The following GRID1 variants were observed in gnomAD, a reference collection of about 807,000 sequenced individuals.
GRID1 encodes glutamate receptor ionotropic, delta-1.
GRID1 carries 28 observed loss-of-function variants against 98.0 expected under a neutral mutation model. The observed-to-expected ratio is 0.29, with a 90% CI of 0.21 to 0.39. The LOEUF (loss-of-function observed/expected upper bound fraction) is 0.39. Among genes scored for constraint, GRID1 ranks in the 10% least tolerant of loss-of-function variants. The probability of loss-of-function intolerance (pLI) is 1.00; values close to 1 mark genes in which losing one functional copy is unlikely to be tolerated. For synonymous variants in GRID1, 553 were observed against 538.5 expected (o/e 1.03, Z -0.37); for missense variants, 1,111 against 1,340.5 (o/e 0.83, Z 2.67).
chr10:86,354,278 C>A lies in GRID1; in HGVS notation c.235+9663G>T, dbSNP rs1467920798. ...CAGGCAGCAAGGCCGGTGTCTCAGCCCGGACCTGGGGGTTGCTAGCACCCA... is the reference window on the plus strand; with the variant it reads ...CAGGCAGCAAGGCCGGTGTCTCAGCACGGACCTGGGGGTTGCTAGCACCCA... On this transcript the variant is annotated intron_variant, in intron 2 of 15. Transcript: ENST00000327946. Among the ~76,000 whole-genome samples, 3 of 152,250 alleles carry A rather than the reference C, an allele frequency of 2.0e-5. No individual in the cohort carries two copies. The East Asian group carries it at 5.8e-4, about 29-fold the overall frequency.
chr10:86,273,094 G>T (rs1004585665), intron 2 of GRID1, among the ~76,000 whole-genome samples: 9 of 151,076 alleles, frequency 6.0e-5, no homozygotes, highest in Non-Finnish European at 1.3e-4. Context: ...CCCAGAGTGT[G>T]ATGTTCCCCT....
chr10:86,028,441 C>T (rs1843143756), intron 4 of GRID1, among the ~76,000 whole-genome samples: 1 of 152,184 alleles, frequency 6.6e-6, no homozygotes, highest in Non-Finnish European at 1.5e-5. Flanking sequence ...TGAGTCAGTC[C>T]ACCGAAGTGA....
intron 3 of GRID1, among the ~76,000 whole-genome samples, chr10:86,155,419 TCA>T (rs1232594637): frequency 6.6e-6 from 1 of 152,254 alleles, no homozygotes; most frequent in Non-Finnish European, 1.5e-5. Flanking sequence ...AAGGGCAGAT[TCA>T]GATTCTGAGT....
chr10:86,021,941 C>T (rs1452311055), intron 4 of GRID1, among the ~76,000 whole-genome samples: 1 of 152,022 alleles, frequency 6.6e-6, no homozygotes, highest in Admixed American at 6.6e-5. Context: ...CTAGAGCAGC[C>T]GCATCTAAAA....
chr10:85,647,993 C>G (rs891535073), intron 12 of GRID1: 1 of 152,196 alleles, frequency 6.6e-6, no homozygotes, highest in Admixed American at 6.5e-5. Context: ...GTATTGACTT[C>G]GAATGCTCCC....
At chr10:85,966,416 G>T (rs1232839976) in intron 4 of GRID1, among the ~76,000 whole-genome samples, 1 of 152,118 alleles carries the variant, frequency 6.6e-6, no homozygotes, top group African/African-American at 2.4e-5. Flanking sequence ...AGAAAGTAAA[G>T]AATACAGAGA....
chr10:86,129,350 C>A (rs1844801346), intron 4 of GRID1, among the ~76,000 whole-genome samples: 2 of 152,192 alleles, frequency 1.3e-5, no homozygotes, highest in Admixed American at 6.5e-5. Context: ...TCAATGGCAA[C>A]AAGCCTCCTC....
At chr10:86,073,408 C>A (rs931703992) in intron 4 of GRID1, among the ~76,000 whole-genome samples, 2 of 152,318 alleles carry the variant, frequency 1.3e-5, no homozygotes, top group African/African-American at 4.8e-5. Flanking sequence ...GAGTAGCCAT[C>A]GCACAGAAGC....
At chr10:85,883,955 T>A (rs1023077450) in intron 5 of GRID1, among the ~76,000 whole-genome samples, 8 of 152,196 alleles carry the variant, frequency 5.3e-5, no homozygotes, top group African/African-American at 1.9e-4. Flanking sequence ...TATGTAGAAA[T>A]CTCTCATCAG....
intron 4 of GRID1, among the ~76,000 whole-genome samples, chr10:86,136,931 C>T (rs1165695908): frequency 6.6e-6 from 1 of 152,144 alleles, no homozygotes; most frequent in Non-Finnish European, 1.5e-5. Flanking sequence ...AACAAATCTG[C>T]ACATGTACCC....
chr10:85,709,611 C>A (rs1016142008), intron 12 of GRID1, among the ~76,000 whole-genome samples: 1 of 152,218 alleles, frequency 6.6e-6, no homozygotes, highest in Non-Finnish European at 1.5e-5. Context: ...GTGCCCTCCA[C>A]TCACCTACGC....
chr10:85,971,573 T>A (rs1426043491), intron 4 of GRID1, among the ~76,000 whole-genome samples: 4 of 152,120 alleles, frequency 2.6e-5, no homozygotes, highest in Admixed American at 2.6e-4. Context: ...GATATCCAAA[T>A]GGCTGGTAAG....
chr10:86,232,463 G>A (rs1017698010), intron 2 of GRID1, among the ~76,000 whole-genome samples: 1 of 152,208 alleles, frequency 6.6e-6, no homozygotes. Flanking sequence ...CAAGGCAGGA[G>A]TCGATACAGC....
intron 2 of GRID1, among the ~76,000 whole-genome samples, chr10:86,221,642 G>T (rs2132029678): frequency 6.6e-6 from 1 of 152,318 alleles, no homozygotes; most frequent in Admixed American, 6.5e-5. Flanking sequence ...TGGCTGCTGT[G>T]AGCCAAGGCC....
At chr10:85,866,976 T>C (rs998726774) in intron 6 of GRID1, among the ~76,000 whole-genome samples, 14 of 152,124 alleles carry the variant, frequency 9.2e-5, no homozygotes, top group African/African-American at 3.4e-4. Flanking sequence ...TTTACCTCAT[T>C]TGATGATGTC....
chr10:86,357,770 G>C (rs896400972), intron 2 of GRID1, among the ~76,000 whole-genome samples: 1 of 152,160 alleles, frequency 6.6e-6, no homozygotes, highest in Non-Finnish European at 1.5e-5. Context: ...ATCCAGAGAG[G>C]GGACCCAGGG....
intron 2 of GRID1, among the ~76,000 whole-genome samples, chr10:86,255,838 CT>C (rs1223604637): frequency 6.6e-6 from 1 of 152,104 alleles, no homozygotes; most frequent in African/African-American, 2.4e-5. Flanking sequence ...CTCGCCTGGG[CT>C]GCCCAGCTCC....
At chr10:86,263,570 C>T (rs1297234904) in intron 2 of GRID1, among the ~76,000 whole-genome samples, 1 of 152,232 alleles carries the variant, frequency 6.6e-6, no homozygotes, top group Non-Finnish European at 1.5e-5. Flanking sequence ...CGTCCTAGAC[C>T]CCACTGCCTG....
intron 2 of GRID1, among the ~76,000 whole-genome samples, chr10:86,216,176 T>C (rs886214669): frequency 1.3e-5 from 2 of 152,242 alleles, no homozygotes; most frequent in Admixed American, 6.5e-5. Flanking sequence ...CAGGAATACT[T>C]TATCCTAGCA....
Sources: allele counts gnomAD v4.1 joint callset (sites outside exome capture counted in the v4.1 genomes callset), GRCh38; gene constraint gnomAD v4.1.1; transcripts MANE v1.5; gene names NCBI Gene and HGNC (gene_info 2026-07-23, HGNC 2026-07-21).